The following PCCA variants were observed in gnomAD, a reference collection of about 807,000 sequenced individuals.
PCCA encodes the protein propionyl-CoA carboxylase alpha chain, mitochondrial.
Under a neutral mutation model 101.3 loss-of-function variants are expected in PCCA, and 74 were observed. The ratio of observed to expected loss-of-function variants is 0.73; its 90% CI spans 0.61 to 0.89. The LOEUF is 0.89. Among genes scored for constraint, PCCA ranks in the 40% least tolerant of loss-of-function variants. The probability of loss-of-function intolerance (pLI) is 0.00; values close to 1 mark genes in which losing one functional copy is unlikely to be tolerated. For synonymous variants in PCCA, 294 were observed against 313.6 expected (o/e 0.94, Z 0.66); for missense variants, 891 against 907.0 (o/e 0.98, Z 0.23).
At chr13:100,369,959 A>C (rs879038428) in intron 19 of PCCA, among the ~76,000 whole-genome samples, 2 of 150,896 alleles carry the variant, frequency 1.3e-5, no homozygotes, top group African/African-American at 4.9e-5. Context: ...TCAGTTCTAT[A>C]TTGAGTCACC....
At chr13:100,285,892 C>T (rs2064591719) in intron 12 of PCCA, among the ~76,000 whole-genome samples, 1 of 152,156 alleles carries the variant, frequency 6.6e-6, no homozygotes, top group Non-Finnish European at 1.5e-5. Context: ...GTGATGTAAC[C>T]ATACTTGAAA....
At chr13:100,188,326 AAAACAC>A (rs2057468146) in intron 6 of PCCA, among the ~76,000 whole-genome samples, 1 of 127,906 alleles carries the variant, frequency 7.8e-6, no homozygotes, top group African/African-American at 2.8e-5. Context: ...AAACAAAACA[AAAACAC>A]AAAGAAAGAA....
chr13:100,345,939 TTTACTGA>T, intron 18 of PCCA, among the ~76,000 whole-genome samples: 1 of 152,102 alleles, frequency 6.6e-6, no homozygotes, highest in East Asian at 1.9e-4. Context: ...TACAGCATCA[TTTACTGA>T]TTATTTTGAC....
chr13:100,250,201 G>A (rs2061670948), intron 8 of PCCA, among the ~76,000 whole-genome samples: 1 of 152,100 alleles, frequency 6.6e-6, no homozygotes, highest in Admixed American at 6.5e-5. Context: ...GTTAACTGTA[G>A]GCTTTTTGTG....
chr13:100,404,257 A>C (rs2077539671), intron 19 of PCCA, among the ~76,000 whole-genome samples: 1 of 152,208 alleles, frequency 6.6e-6, no homozygotes, highest in Non-Finnish European at 1.5e-5. Flanking sequence ...AAGGAGGCCA[A>C]AAGCCCGACT....
chr13:100,205,638 G>A (rs1045093972), intron 6 of PCCA, among the ~76,000 whole-genome samples: 7 of 149,268 alleles, frequency 4.7e-5, no homozygotes, highest in South Asian at 4.2e-4. Flanking sequence ...GTTCCAGGTC[G>A]TTGGGCTCCT....
Position 100,273,356 on chromosome 13 carries a change from A to G in PCCA, c.1065+10A>G, listed in dbSNP as rs1428223017. On this transcript the variant is annotated intron_variant, in intron 12 of 23. Transcript: ENST00000376285. ...GAATACAAGACTCCAGGTAACAACA[A>G]CTGTTATTTATTCCTCTCCATGCCT... is the stretch of plus-strand genomic sequence containing the variant. 12 of 1,606,302 alleles carry G rather than the reference A, an allele frequency of 7.5e-6. No individual in the cohort carries two copies. Among genetic ancestry groups the G allele is most frequent in the East Asian group, 2.2e-5 (1 of 44,822 alleles).
At chr13:100,527,590 C>T in intron 22 of PCCA, 85 bp from the exon 23 acceptor site, 1 of 916,802 alleles carries the variant, frequency 1.1e-6, no homozygotes, top group Non-Finnish European at 1.8e-6. Context: ...GGGCATTTGA[C>T]AAAGAATTTC....
intron 22 of PCCA, among the ~76,000 whole-genome samples, chr13:100,525,152 CTA>C (rs1407352453): frequency 1.3e-5 from 2 of 152,140 alleles, no homozygotes; most frequent in African/African-American, 2.4e-5. Flanking sequence ...GGATCTAATT[CTA>C]TGATTCAGTG....
rs562449025 is a variant in PCCA at position 100,357,882 on chromosome 13, C to T, written c.1644-10590C>T. Reference sequence around the variant, plus strand: ...AAGGGAGCAACAGAGTGAAGAGTTCCATATGTGAATTCAGGTTCTCTCAAA... The same window carrying T: ...AAGGGAGCAACAGAGTGAAGAGTTCTATATGTGAATTCAGGTTCTCTCAAA... On this transcript the variant is annotated intron_variant, in intron 18 of 23. Coordinates refer to ENST00000376285, the MANE Select transcript of PCCA (RefSeq NM_000282.4). 5.6e-4 allele frequency among the ~76,000 whole-genome samples: 86 copies of T among 152,256 alleles called. 1 individual carries two copies. The highest frequency in any genetic ancestry group is 1.6e-3 in the Admixed American group (25 of 15,294).
intron 2 of PCCA, among the ~76,000 whole-genome samples, chr13:100,109,689 G>A (rs1378331287): frequency 6.6e-6 from 1 of 152,194 alleles, no homozygotes; most frequent in Non-Finnish European, 1.5e-5. Context: ...GAGTGGCTTC[G>A]AGTTTTATCA....
At chr13:100,526,813 C>T (rs185048067) in intron 22 of PCCA, among the ~76,000 whole-genome samples, 4 of 152,400 alleles carry the variant, frequency 2.6e-5, no homozygotes, top group Non-Finnish European at 4.4e-5. Flanking sequence ...TCACGCTTAA[C>T]GCCAGTGGGC....
chr13:100,254,695 C>T (rs1323396356), intron 8 of PCCA, among the ~76,000 whole-genome samples: 1 of 152,114 alleles, frequency 6.6e-6, no homozygotes, highest in Non-Finnish European at 1.5e-5. Context: ...GTGGTGACAG[C>T]ATATGTACTG....
chr13:100,398,733 A>G (rs185605530), intron 19 of PCCA, among the ~76,000 whole-genome samples: 1 of 152,304 alleles, frequency 6.6e-6, no homozygotes, highest in East Asian at 1.9e-4. Context: ...AGAATGTGCT[A>G]CATTATATAC....
chr13:100,269,195 T>C (rs1595035841), intron 11 of PCCA, among the ~76,000 whole-genome samples: 1 of 152,202 alleles, frequency 6.6e-6, no homozygotes, highest in Non-Finnish European at 1.5e-5. Flanking sequence ...ATTGCACTAA[T>C]GTTCATGTAG....
chr13:100,227,165 CG>C (rs1338384275), intron 7 of PCCA, among the ~76,000 whole-genome samples: 2 of 151,654 alleles, frequency 1.3e-5, no homozygotes, highest in East Asian at 3.9e-4. Flanking sequence ...TTGGTAGAGA[CG>C]GGGTTTCACC....
At chr13:100,370,066 T>G (rs1164847410) in intron 19 of PCCA, among the ~76,000 whole-genome samples, 1 of 148,122 alleles carries the variant, frequency 6.8e-6, no homozygotes, top group African/African-American at 2.5e-5. Context: ...TTTTCAGAGC[T>G]GTTACTTCTT....
intron 1 of PCCA, among the ~76,000 whole-genome samples, chr13:100,099,357 A>G (rs1202148924): frequency 7.5e-6 from 1 of 132,556 alleles, no homozygotes; most frequent in East Asian, 2.1e-4. Context: ...TTGCTCTGTC[A>G]CCCAGACTGG....
Position 100,418,386 on chromosome 13 carries a change from T to C in PCCA, c.1747-7247T>C, listed in dbSNP as rs1170358426. Reference sequence around the variant, plus strand: ...ACTTCTCCTCCCTTATCCTCAGTGATTCCTTCCTGTCTTCACCACTGTATT... The same window carrying C: ...ACTTCTCCTCCCTTATCCTCAGTGACTCCTTCCTGTCTTCACCACTGTATT... On this transcript the variant is annotated intron_variant, in intron 19 of 23. Coordinates refer to ENST00000376285, the MANE Select transcript of PCCA (RefSeq NM_000282.4). 2.0e-5 allele frequency among the ~76,000 whole-genome samples: 3 copies of C among 152,194 alleles called. No individual in the cohort carries two copies. In the East Asian group the frequency reaches 5.8e-4, roughly 29 times the overall value.
Sources: gnomAD v4.1 joint callset for allele counts (sites outside exome capture counted in the v4.1 genomes callset) on GRCh38, gnomAD v4.1.1 for gene constraint, MANE v1.5 for transcripts, NCBI Gene and HGNC (gene_info 2026-07-23, HGNC 2026-07-21) for gene names.